HSPH1: variants seen among roughly 807,000 people sequenced by gnomAD.
The protein encoded by HSPH1 is heat shock protein 105 kDa.
HSPH1 carries 40 observed loss-of-function variants against 100.0 expected under a neutral mutation model. The ratio of observed to expected loss-of-function variants is 0.40; its 90% CI spans 0.31 to 0.52. The LOEUF is 0.52. Among genes scored for constraint, HSPH1 ranks in the 20% least tolerant of loss-of-function variants. HSPH1 has a pLI of 0.54. For synonymous variants in HSPH1, 403 were observed against 344.0 expected (o/e 1.17, Z -1.90); for missense variants, 876 against 1,015.1 (o/e 0.86, Z 1.86).
chr13:31,146,420 C>A (rs1346276522), intron 10 of HSPH1, among the ~76,000 whole-genome samples: 1 of 152,166 alleles, frequency 6.6e-6, no homozygotes, highest in Admixed American at 6.5e-5. Context: ...CTTGTCTCCT[C>A]CTACCCTACT....
At position 31,138,993 on chromosome 13, in the gene HSPH1, G is replaced by A. The variant is rs529971356; in HGVS notation, c.2088+7C>T. On this transcript the variant is annotated splice_region_variant and intron_variant, in intron 15 of 17. Coordinates refer to ENST00000320027, the MANE Select transcript of HSPH1 (RefSeq NM_006644.4). ...AGTACCACCTTTTGGGGGAGAAAACGACCTACCATTAATTCTTCCAACTTG... is the reference window on the plus strand; with the variant it reads ...AGTACCACCTTTTGGGGGAGAAAACAACCTACCATTAATTCTTCCAACTTG... The A allele has an allele frequency of 3.4e-5, 55 of 1,601,736 alleles. No homozygotes were observed. In the South Asian group the frequency reaches 4.2e-4, roughly 12 times the overall value.
At chr13:31,153,363 A>G (rs529576809) in intron 4 of HSPH1, among the ~76,000 whole-genome samples, 1 of 152,360 alleles carries the variant, frequency 6.6e-6, no homozygotes, top group Admixed American at 6.5e-5. Flanking sequence ...TAATTAAACT[A>G]TAGGTAAAAA....
At chr13:31,151,446 C>T (rs1194116500) in intron 6 of HSPH1, 163 bp downstream of exon 6, 12 of 693,708 alleles carry the variant, frequency 1.7e-5, no homozygotes, top group African/African-American at 3.6e-5. Flanking sequence ...ACAATTACAT[C>T]ATCTTTATGG....
Position 31,151,006 on chromosome 13 carries a change from G to T in HSPH1, c.849C>A (p.Asp283Glu). The T allele has an allele frequency of 6.2e-7, 1 of 1,613,450 alleles. No individual in the cohort carries two copies. Among genetic ancestry groups the T allele is most frequent in the South Asian group, 1.1e-5 (1 of 91,076 alleles). Residue 283 changes from aspartate to glutamate, a missense_variant, in exon 7 of 18, where the codon GAC becomes GAA. Coordinates refer to ENST00000320027, the MANE Select transcript of HSPH1 (RefSeq NM_006644.4). Reference sequence around the variant, plus strand: ...TAAAGCATTCGATATTCAGTGGAAGGTCTGTGCTGTTAGAGCTCATTAGCT... The same window carrying T: ...TAAAGCATTCGATATTCAGTGGAAGTTCTGTGCTGTTAGAGCTCATTAGCT... The part of the protein sequence containing the change: ...LKKLMSSNST[D>E]LPLNIECFMN...
upstream of HSPH1, chr13:31,162,267 G>A (rs972890204): frequency 3.0e-6 from 2 of 673,210 alleles, no homozygotes; most frequent in Admixed American, 5.5e-5. Flanking sequence ...AACGCTAAAG[G>A]GAGGCTGGGC....
rs1309475541 is a variant in HSPH1, at chr13:31,136,832, A to G, written c.*486T>C. On this transcript the variant is annotated 3_prime_UTR_variant, in exon 18 of 18. Transcript: ENST00000320027. ...TTACTCATTGAATTTTTAATATCAA[A>G]GCAAAAAGTCATTTTCTCTTGGACA... 3.7e-5 allele frequency: 7 copies of G among 189,048 alleles called. No homozygotes were observed. The highest frequency in any genetic ancestry group is 8.0e-5 in the Non-Finnish European group (7 of 87,384). 11.7% of individuals were successfully genotyped at this position (189,048 alleles called of 1,614,324 possible). A position where few individuals can be genotyped will look rare whatever the true frequency, so the allele number is the denominator to read the frequency against.
intron 10 of HSPH1, 111 bp downstream of exon 10, chr13:31,147,848 T>C: frequency 1.1e-6 from 1 of 876,566 alleles, no homozygotes; most frequent in Non-Finnish European, 1.7e-6. Context: ...TCACACAGAA[T>C]TATGTTCCCC....
chr13:31,155,767 A>G (rs778102700), intron 2 of HSPH1, 113 bp from the exon 3 acceptor site: 89 of 788,342 alleles, frequency 1.1e-4, no homozygotes, highest in Admixed American at 5.3e-4. Context: ...ATGAGTGCAC[A>G]TAAGTTGCCC....
At chr13:31,143,420 T>G (rs1185335827) in intron 12 of HSPH1, among the ~76,000 whole-genome samples, 4 of 152,106 alleles carry the variant, frequency 2.6e-5, no homozygotes, top group Non-Finnish European at 5.9e-5. Context: ...AGCCCATATA[T>G]TTATCATCTG....
Position 31,161,785 on chromosome 13 carries a change from G to C in HSPH1, c.-203C>G, listed in dbSNP as rs1188246660. ...ACTCCCCCGGGGACAGCGGCGGCTG[G>C]CTGATAAGAAACCCTGGGAGAAAGC... is the stretch of plus-strand genomic sequence containing the variant. On this transcript the variant is annotated 5_prime_UTR_variant, in exon 1 of 18. Coordinates refer to ENST00000320027, the MANE Select transcript of HSPH1 (RefSeq NM_006644.4). The C allele has an allele frequency of 6.7e-7, 1 of 1,497,398 alleles. No homozygotes were observed. The highest frequency in any genetic ancestry group is 8.9e-7 in the Non-Finnish European group (1 of 1,124,416). 92.8% of individuals were successfully genotyped at this position (1,497,398 alleles called of 1,614,324 possible). A position where few individuals can be genotyped will look rare whatever the true frequency, so the allele number is the denominator to read the frequency against.
chr13:31,141,627 G>A (rs1432646144), intron 12 of HSPH1, among the ~76,000 whole-genome samples: 3 of 152,040 alleles, frequency 2.0e-5, no homozygotes, highest in African/African-American at 7.2e-5. Flanking sequence ...TGTCACCTAA[G>A]GATAAGCTTC....
At chr13:31,141,648 A>C (rs913464813) in intron 12 of HSPH1, among the ~76,000 whole-genome samples, 2 of 152,054 alleles carry the variant, frequency 1.3e-5, no homozygotes, top group Non-Finnish European at 2.9e-5. Context: ...GACCAGTACA[A>C]AACACGTTAG....
chr13:31,139,330 G>C, intron 14 of HSPH1: 1 of 494,984 alleles, frequency 2.0e-6, no homozygotes, highest in South Asian at 3.5e-5. Context: ...TTCTAGAAGA[G>C]TATCTTCCTG....
chr13:31,143,289 G>C (rs1341417763), intron 12 of HSPH1, among the ~76,000 whole-genome samples: 1 of 152,102 alleles, frequency 6.6e-6, no homozygotes, highest in East Asian at 1.9e-4. Context: ...AATACCTACT[G>C]TGGAAGCAGG....
At position 31,161,588 on chromosome 13, in the gene HSPH1, G is replaced by A. The variant is rs746437049; in HGVS notation, c.-6C>T. On this transcript the variant is annotated 5_prime_UTR_variant, in exon 1 of 18. Transcript: ENST00000320027. ...TCCAACCCCACCACCGACATGGCCGGCTCGCGGTCCGCCTCCGCCTCGGGT... is the reference window on the plus strand; with the variant it reads ...TCCAACCCCACCACCGACATGGCCGACTCGCGGTCCGCCTCCGCCTCGGGT... 1.9e-6 allele frequency: 3 copies of A among 1,612,286 alleles called. No individual in the cohort carries two copies. The highest frequency in any genetic ancestry group is 1.3e-5 in the African/African-American group (1 of 75,002).
chr13:31,153,835 C>CCA (rs1555235867), intron 4 of HSPH1: 1 of 138,754 alleles, frequency 7.2e-6, no homozygotes, highest in Non-Finnish European at 1.6e-5. Context: ...AAAAATGTGG[C>CCA]AAAAAAAAAA....
At chr13:31,148,320 G>A in intron 9 of HSPH1, 54 bp downstream of exon 9, 1 of 1,175,428 alleles carries the variant, frequency 8.5e-7, no homozygotes, top group Non-Finnish European at 1.2e-6. Flanking sequence ...GAAGTCATTT[G>A]TTAATTTTTC....
Position 31,150,139 on chromosome 13 carries a change from C to G in HSPH1, c.952G>C (p.Glu318Gln), listed in dbSNP as rs1956430987. The change falls in exon 8 of 18, where the codon GAA (glutamate) becomes CAA (glutamine). Residue 318 changes from glutamate (E) to glutamine (Q), a missense_variant. Transcript: ENST00000320027. ...TCCAACAGTGAATAAAGGGGTACTT[C>G]TATCTTTTGCAGAAGTTCAGCACAG... The part of the protein sequence containing the change: ...ELCAELLQKI[E>Q]VPLYSLLEQT... 1 of 1,609,122 alleles carries G rather than the reference C, an allele frequency of 6.2e-7. No individual in the cohort carries two copies. The highest frequency in any genetic ancestry group is 8.5e-7 in the Non-Finnish European group (1 of 1,176,534).
At chr13:31,157,866 A>G (rs1044967840) in intron 2 of HSPH1, among the ~76,000 whole-genome samples, 1 of 152,216 alleles carries the variant, frequency 6.6e-6, no homozygotes, top group Admixed American at 6.5e-5. Context: ...TTAGGCCAAT[A>G]TATTTTAGGA....
Sources: gnomAD v4.1 joint callset for allele counts (sites outside exome capture counted in the v4.1 genomes callset) on GRCh38, gnomAD v4.1.1 for gene constraint, MANE v1.5 for transcripts, NCBI Gene and HGNC (gene_info 2026-07-23, HGNC 2026-07-21) for gene names.